NARS1: variants seen among roughly 807,000 people sequenced by gnomAD.
NARS1 encodes the protein asparaginyl-tRNA synthetase 1.
A neutral mutation model predicts 79.2 loss-of-function variants in NARS1; 65 were observed. The observed-to-expected ratio is 0.82, with a 90% CI of 0.67 to 1.01. The LOEUF is 1.01. Among genes scored for constraint, NARS1 ranks in the 50% least tolerant of loss-of-function variants. The pLI is 0.00. For synonymous variants in NARS1, 229 were observed against 238.8 expected, an observed-to-expected ratio of 0.96 and a Z score of 0.38; for missense variants, 649 against 673.8, an observed-to-expected ratio of 0.96 and a Z score of 0.41.
intron 6 of NARS1, 29 bp from the exon 7 acceptor site, chr18:57,609,472 T>G: frequency 6.4e-7 from 1 of 1,569,612 alleles, no homozygotes; most frequent in Non-Finnish European, 8.7e-7. Flanking sequence ...TCAAATTTAG[T>G]TATTCACATT....
Position 57,615,964 on chromosome 18 carries a change from T to G in NARS1, c.105A>C (p.Thr35=). Residue 35 remains threonine (T), a synonymous_variant, in exon 3 of 14, where the codon ACA becomes ACC. Transcript: ENST00000256854. ...TGGTAGGAAATGGTTCTTTCCCTAC[T>G]GTCATCAAAGCCTTGGGTAGGGAGG... The part of the protein sequence containing the change: ...PFKTGLKALM[T]VGKEPFPTIY... 4.4e-6 allele frequency: 7 copies of G among 1,607,230 alleles called. No individual in the cohort carries two copies. Among genetic ancestry groups the G allele is most frequent in the Non-Finnish European group, 5.9e-6 (7 of 1,177,478 alleles).
chr18:57,614,275 C>T (rs1326767126), intron 4 of NARS1, among the ~76,000 whole-genome samples: 1 of 151,876 alleles, frequency 6.6e-6, no homozygotes, highest in East Asian at 1.9e-4. Context: ...CTAAGGAGGG[C>T]AGATCACCTG....
At position 57,605,954 on chromosome 18, in the gene NARS1, T is replaced by G; in HGVS notation, c.1154A>C (p.Lys385Thr). ...HELNPNFQPP[K>T]RPFKRMNYSD... Reference sequence around the variant, plus strand: ...ATAGTTCATCCGTTTGAAAGGCCGTTTGGGGGGCTGAAAGTTCTACAGAAG... The same window carrying G: ...ATAGTTCATCCGTTTGAAAGGCCGTGTGGGGGGCTGAAAGTTCTACAGAAG... Residue 385 changes from lysine (K) to threonine (T), a missense_variant, in exon 11 of 14, where the codon AAA becomes ACA. By Grantham distance (78) the Lys-to-Thr change is moderately conservative. Coordinates refer to ENST00000256854, the MANE Select transcript of NARS1 (RefSeq NM_004539.4). 3 of 1,612,916 alleles carry G rather than the reference T, an allele frequency of 1.9e-6. No individual in the cohort carries two copies. Among genetic ancestry groups the G allele is most frequent in the Non-Finnish European group, 2.5e-6 (3 of 1,179,308 alleles).
At chr18:57,620,249 T>C (rs566375500) in intron 2 of NARS1, among the ~76,000 whole-genome samples, 63 of 152,294 alleles carry the variant, frequency 4.1e-4, no homozygotes, top group Non-Finnish European at 7.3e-5. Flanking sequence ...ATGAGCTCAC[T>C]GTAACTGAGG....
Position 57,615,824 on chromosome 18 carries a change from T to C in NARS1, c.245A>G (p.Lys82Arg). 1.9e-6 allele frequency: 3 copies of C among 1,611,580 alleles called. No homozygotes were observed. The highest frequency in any genetic ancestry group is 2.5e-6 in the Non-Finnish European group (3 of 1,179,236). ...REQMKSESREKKEAEDSLRRE... is the reference protein window; with the variant it reads ...REQMKSESRERKEAEDSLRRE... Reference sequence around the variant, plus strand: ...GGCAAGGTCAGGACTCACCTCTTTCTTTTCCCGGGATTCACTCTTCATTTG... The same window carrying C: ...GGCAAGGTCAGGACTCACCTCTTTCCTTTCCCGGGATTCACTCTTCATTTG... The change falls in exon 3 of 14, where the codon AAG becomes AGG. Residue 82 changes from lysine (K) to arginine (R), a missense_variant. Lys to Arg is a conservative substitution (Grantham distance 26). Coordinates refer to ENST00000256854, the MANE Select transcript of NARS1 (RefSeq NM_004539.4).
intron 4 of NARS1, 51 bp from the exon 5 acceptor site, chr18:57,613,731 C>A (rs1215785077): frequency 1.4e-6 from 2 of 1,454,080 alleles, no homozygotes; most frequent in Non-Finnish European, 1.9e-6. Context: ...TTTATACACA[C>A]CAACTTTTTC....
chr18:57,605,121 G>GAA (rs199936147), intron 11 of NARS1, among the ~76,000 whole-genome samples: 10,575 of 125,044 alleles, frequency 0.085, 511 homozygotes, highest in Middle Eastern at 0.11. Context: ...ACATTCTCCA[G>GAA]AAAAAAAAAA....
At chr18:57,609,284 C>T in intron 7 of NARS1, 73 bp downstream of exon 7, 1 of 1,251,302 alleles carries the variant, frequency 8.0e-7, no homozygotes, top group African/African-American at 1.5e-5. Context: ...GCCAAATGTA[C>T]AAACAAAGAC....
intron 2 of NARS1, among the ~76,000 whole-genome samples, chr18:57,618,483 A>G (rs893070801): frequency 3.3e-5 from 5 of 152,208 alleles, no homozygotes; most frequent in African/African-American, 1.2e-4. Flanking sequence ...GTTAACAGTG[A>G]CATTCTGTTG....
chr18:57,610,013 CTCTT>C (rs1225074729), intron 6 of NARS1, among the ~76,000 whole-genome samples: 1 of 152,126 alleles, frequency 6.6e-6, no homozygotes, highest in Non-Finnish European at 1.5e-5. Context: ...TGCCACTGTA[CTCTT>C]TCTGAGAAAC....
intron 13 of NARS1, among the ~76,000 whole-genome samples, chr18:57,602,126 A>T (rs2051512290): frequency 6.6e-6 from 1 of 152,224 alleles, no homozygotes; most frequent in Non-Finnish European, 1.5e-5. Context: ...TTTAAAACTC[A>T]GTTGCAATCA....
intron 7 of NARS1, 102 bp downstream of exon 7, chr18:57,609,255 G>A (rs1402826299): frequency 1.3e-5 from 12 of 904,910 alleles, no homozygotes; most frequent in Non-Finnish European, 1.8e-5. Flanking sequence ...CTGTCCCTCT[G>A]AAGAACCCTA....
chr18:57,615,604 C>G, intron 4 of NARS1, 37 bp downstream of exon 4: 1 of 1,430,770 alleles, frequency 7.0e-7, no homozygotes. Context: ...TCTGATGTAG[C>G]CAAGTCCACG....
chr18:57,606,555 A>C (rs2051558711), intron 10 of NARS1, 61 bp downstream of exon 10: 19 of 1,530,784 alleles, frequency 1.2e-5, no homozygotes, highest in Middle Eastern at 1.7e-4. Context: ...CTGAGGGTGA[A>C]GACTTCATTG....
At chr18:57,606,914 A>G (rs2051562766) in intron 9 of NARS1, 163 bp from the exon 10 acceptor site, 1 of 966,300 alleles carries the variant, frequency 1.0e-6, no homozygotes, top group Non-Finnish European at 1.5e-6. Flanking sequence ...CTGAGTAGCA[A>G]TTTCTTGTTT....
chr18:57,615,374 C>T (rs1309120978), intron 4 of NARS1, among the ~76,000 whole-genome samples: 3 of 151,730 alleles, frequency 2.0e-5, no homozygotes. Context: ...TGGTGGCGGG[C>T]GCCTGTAGTC....
rs1489494238 is a variant in NARS1 at position 57,605,937 on chromosome 18, T to C, written c.1171A>G (p.Met391Val). The C allele has an allele frequency of 1.2e-6, 2 of 1,613,608 alleles. No individual in the cohort carries two copies. The highest frequency in any genetic ancestry group is 1.7e-6 in the Non-Finnish European group (2 of 1,179,840). ...CAAACGATAGCATCTGAATAGTTCA[T>C]CCGTTTGAAAGGCCGTTTGGGGGGC... ...FQPPKRPFKR[M>V]NYSDAIVWLK... The change falls in exon 11 of 14, where the codon ATG becomes GTG. Residue 391 changes from methionine (M) to valine (V), a missense_variant. Transcript: ENST00000256854.
At chr18:57,610,230 C>T (rs753907150) in intron 6 of NARS1, among the ~76,000 whole-genome samples, 12 of 151,930 alleles carry the variant, frequency 7.9e-5, no homozygotes, top group Admixed American at 3.3e-4. Context: ...CCAGCACTTT[C>T]GGAGGCCGAG....
chr18:57,609,503 T>C (rs999964191), intron 6 of NARS1, 60 bp from the exon 7 acceptor site: 13 of 1,403,380 alleles, frequency 9.3e-6, no homozygotes, highest in East Asian at 2.3e-5. Context: ...TTCTACCATA[T>C]AGAAAGTTAA....
Sources: allele counts gnomAD v4.1 joint callset (sites outside exome capture counted in the v4.1 genomes callset), GRCh38; gene constraint gnomAD v4.1.1; transcripts MANE v1.5; gene names NCBI Gene and HGNC (gene_info 2026-07-23, HGNC 2026-07-21).